Variants in GOLGA3 observed in about 807,000 individuals in gnomAD.
The protein encoded by GOLGA3 is golgin subfamily A member 3.
GOLGA3 carries 75 observed loss-of-function variants against 169.4 expected under a neutral mutation model. The observed-to-expected ratio is 0.44, with a 90% confidence interval of 0.37 to 0.54. The LOEUF is 0.54. Ranked by LOEUF, GOLGA3 falls within the 20% of genes least tolerant of loss-of-function variation. The probability of loss-of-function intolerance (pLI) is 0.00; values close to 1 mark genes in which losing one functional copy is unlikely to be tolerated. For synonymous variants in GOLGA3, 824 were observed against 822.4 expected (o/e 1.00, Z -0.03); for missense variants, 1,899 against 1,930.0 (o/e 0.98, Z 0.30).
rs1948825693 is a variant in GOLGA3, at chr12:132,796,210, G to A, written c.2111C>T (p.Thr704Ile). Residue 704 changes from threonine to isoleucine, a missense_variant, in exon 11 of 24, where the codon ACT (threonine) becomes ATT (isoleucine). Thr to Ile is a moderately conservative substitution (Grantham distance 89). Coordinates refer to ENST00000450791, the MANE Select transcript of GOLGA3 (RefSeq NM_001389683.1). ...AAGCTGCTGGTCTCGCTGGAGTAAA[G>A]TCAACTTCACCTGGAGAAGGAATGA... ...LEQQLEQVKL[T>I]LLQRDQQLEA... 7 of 1,588,238 alleles carry A rather than the reference G, an allele frequency of 4.4e-6. No homozygotes were observed. The East Asian group carries it at 1.6e-4, about 36-fold the overall frequency.
chr12:132,774,438 G>C, intron 22 of GOLGA3, 118 bp from the exon 23 acceptor site: 2 of 1,193,156 alleles, frequency 1.7e-6, no homozygotes, highest in South Asian at 2.6e-5. Context: ...CTCTGGGAAG[G>C]GGACCGTCCT....
Position 132,796,212 on chromosome 12 carries a change from C to G in GOLGA3, c.2109G>C (p.Leu703Phe), listed in dbSNP as rs767717261. The change falls in exon 11 of 24, where the codon TTG becomes TTC. Residue 703 changes from leucine (L) to phenylalanine (F), a missense_variant. Physicochemically the swap from Leu to Phe is conservative, Grantham distance 22. Coordinates refer to ENST00000450791, the MANE Select transcript of GOLGA3 (RefSeq NM_001389683.1). Reference protein sequence around the residue: ...SLEQQLEQVKLTLLQRDQQLE... With the variant: ...SLEQQLEQVKFTLLQRDQQLE... ...GCTGCTGGTCTCGCTGGAGTAAAGTCAACTTCACCTGGAGAAGGAATGAAG... is the reference window on the plus strand; with the variant it reads ...GCTGCTGGTCTCGCTGGAGTAAAGTGAACTTCACCTGGAGAAGGAATGAAG... The G allele has an allele frequency of 3.2e-6, 5 of 1,587,138 alleles. No homozygotes were observed. Among genetic ancestry groups the G allele is most frequent in the Non-Finnish European group, 4.3e-6 (5 of 1,163,062 alleles).
rs570086297 is a variant in GOLGA3, at chr12:132,808,909, A to G, written c.520-360T>C. Among the ~76,000 whole-genome samples, 5 of 152,344 alleles carry G rather than the reference A, an allele frequency of 3.3e-5. No individual in the cohort carries two copies. The East Asian group carries it at 9.6e-4, about 29-fold the overall frequency. On this transcript the variant is annotated intron_variant, in intron 4 of 23. Transcript: ENST00000450791. ...CCCCTGTGTGCGGCGACGAGAGTGT[A>G]GAAATAAAGACACAAGACAAAGAGA... is the stretch of plus-strand genomic sequence containing the variant.
rs2044854543 is a variant in GOLGA3 at position 132,770,537 on chromosome 12, A to G, written c.*2568T>C. 1 of 151,846 alleles carries G rather than the reference A, an allele frequency of 6.6e-6. No individual in the cohort carries two copies. Among genetic ancestry groups the G allele is most frequent in the African/African-American group, 2.4e-5 (1 of 41,300 alleles). The allele number at this position is 151,846 out of a possible 1,614,324, so 9.4% of individuals were successfully genotyped here. On this transcript the variant is annotated 3_prime_UTR_variant, in exon 24 of 24. Coordinates refer to ENST00000450791, the MANE Select transcript of GOLGA3 (RefSeq NM_001389683.1). ...GAATTAGTCTGTCCTAAGAGAAAAA[A>G]AAATACATGGTGAACATCACTCACT... is the stretch of plus-strand genomic sequence containing the variant.
At chr12:132,816,886 G>T in intron 2 of GOLGA3, 74 bp from the exon 3 acceptor site, 1 of 1,309,182 alleles carries the variant, frequency 7.6e-7, no homozygotes, top group South Asian at 1.4e-5. Flanking sequence ...CATGCAGCTG[G>T]AGTAGGAGAG....
chr12:132,803,331 A>T (rs1949225471), intron 7 of GOLGA3, among the ~76,000 whole-genome samples: 1 of 152,186 alleles, frequency 6.6e-6, no homozygotes, highest in Admixed American at 6.5e-5. Flanking sequence ...AAGTCGGCAA[A>T]TTCACACTTA....
At chr12:132,794,252 C>T (rs1422414673) in intron 11 of GOLGA3, among the ~76,000 whole-genome samples, 5 of 150,210 alleles carry the variant, frequency 3.3e-5, no homozygotes, top group African/African-American at 9.8e-5. Context: ...CCCAGCACTT[C>T]GGGAGGCTGA....
chr12:132,804,721 T>C lies in GOLGA3; in HGVS notation c.1592A>G (p.Asn531Ser), dbSNP rs773477032. Residue 531 changes from asparagine (N) to serine (S), a missense_variant, in exon 7 of 24, where the codon AAC (asparagine) becomes AGC (serine). By Grantham distance (46) the Asn-to-Ser change is conservative (BLOSUM62 1). Coordinates refer to ENST00000450791, the MANE Select transcript of GOLGA3 (RefSeq NM_001389683.1). The surrounding 1 kb of genome is among the most constrained non-coding windows in gnomAD (Gnocchi z 4.1). ...DMQRSMLSKD[N>S]TVHDLRQQMT... ...GTGGCCAGGGCCAGCCTCACCTGTGTTGTCCTTGCTGAGCATGCTCCTCTG... is the reference window on the plus strand; with the variant it reads ...GTGGCCAGGGCCAGCCTCACCTGTGCTGTCCTTGCTGAGCATGCTCCTCTG... 6.2e-7 allele frequency: 1 copy of C among 1,611,862 alleles called. No homozygotes were observed. The highest frequency in any genetic ancestry group is 1.7e-4 in the Middle Eastern group (1 of 6,042).
chr12:132,823,048 G>A (rs1475567294), intron 1 of GOLGA3, among the ~76,000 whole-genome samples: 1 of 152,254 alleles, frequency 6.6e-6, no homozygotes, highest in Non-Finnish European at 1.5e-5. Context: ...CAGATCCAGA[G>A]AAACAAAACT....
At chr12:132,810,469 A>G (rs934393714) in intron 4 of GOLGA3, among the ~76,000 whole-genome samples, 1 of 152,206 alleles carries the variant, frequency 6.6e-6, no homozygotes. Context: ...ATGATTATAT[A>G]TGAATATCAT....
rs746563195 is a variant in GOLGA3 at position 132,782,533 on chromosome 12, G to T, written c.3268-40C>A. The T allele has an allele frequency of 2.7e-6, 4 of 1,474,976 alleles. No individual in the cohort carries two copies. The East Asian group carries it at 9.0e-5, about 33-fold the overall frequency. The allele number at this position is 1,474,976 out of a possible 1,614,324, so 91.4% of individuals were successfully genotyped here. On this transcript the variant is annotated intron_variant, in intron 16 of 23. Coordinates refer to ENST00000450791, the MANE Select transcript of GOLGA3 (RefSeq NM_001389683.1). ...TGTCACTGTAAAATTACCTGCACTG[G>T]TGAGTGGAGTTCACATACCCCAGAA...
intron 1 of GOLGA3, 94 bp downstream of exon 1, chr12:132,828,709 C>CCCCACGCCCGGCCTCCGCCGA (rs1306511783): frequency 7.9e-5 from 12 of 152,256 alleles, no homozygotes; most frequent in Non-Finnish European, 7.3e-5. Context: ...GGCCCCGCCG[C>CCCCACGCCCGGCCTCCGCCGA]CGCCCCTCGA....
Position 132,804,161 on chromosome 12 carries a change from C to T in GOLGA3, c.1597+555G>A, listed in dbSNP as rs371688019. ...CCCTATAGGGAGGCAGCTGGACCGA[C>T]GCACTGCATCCAGGGAGAAAAGGTT... On this transcript the variant is annotated intron_variant, in intron 7 of 23. Coordinates refer to ENST00000450791, the MANE Select transcript of GOLGA3 (RefSeq NM_001389683.1). This position sits in a 1 kb window ranked among gnomAD's most constrained non-coding sequence, Gnocchi z 4.1. Among the ~76,000 whole-genome samples, 2 of 152,346 alleles carry T rather than the reference C, an allele frequency of 1.3e-5. No individual in the cohort carries two copies. Among genetic ancestry groups the T allele is most frequent in the Non-Finnish European group, 1.5e-5 (1 of 68,044 alleles).
In GOLGA3 at chr12:132,787,673, C is replaced by T. The variant is rs1465815633; in HGVS notation, c.2812-886G>A. Among the ~76,000 whole-genome samples, 28 of 93,356 alleles carry T rather than the reference C, an allele frequency of 3.0e-4. 5 individuals are homozygous for T. The highest frequency in any genetic ancestry group is 6.1e-4 in the Admixed American group (6 of 9,792). 61.2% of individuals were successfully genotyped at this position (93,356 alleles called of 152,430 possible). ...CCTCCCCGGAGACCCCGGGACCCCT[C>T]CCCGGAGACCCCGGGACCCCTCCCC... is the stretch of plus-strand genomic sequence containing the variant. On this transcript the variant is annotated intron_variant, in intron 13 of 23. Coordinates refer to ENST00000450791, the MANE Select transcript of GOLGA3 (RefSeq NM_001389683.1).
Position 132,821,984 on chromosome 12 carries a change from C to A in GOLGA3, c.133+12G>T. On this transcript the variant is annotated intron_variant, in intron 2 of 23. Coordinates refer to ENST00000450791, the MANE Select transcript of GOLGA3 (RefSeq NM_001389683.1). ...TCCTGTGACCAGCACACAGAGGAAC[C>A]TCACGACTTACACTGGACTTTGTCC... 1 of 1,589,458 alleles carries A rather than the reference C, an allele frequency of 6.3e-7. No individual in the cohort carries two copies. Among genetic ancestry groups the A allele is most frequent in the Admixed American group, 1.8e-5 (1 of 55,936 alleles).
At chr12:132,826,120 A>C (rs933826508) in intron 1 of GOLGA3, 1 of 1,541,936 alleles carries the variant, frequency 6.5e-7, no homozygotes. Flanking sequence ...TGAGCAAGAC[A>C]GTGCACCTCA....
chr12:132,769,463 G>A lies in GOLGA3; in HGVS notation c.*3642C>T, dbSNP rs532870694. On this transcript the variant is annotated 3_prime_UTR_variant, in exon 24 of 24. Coordinates refer to ENST00000450791, the MANE Select transcript of GOLGA3 (RefSeq NM_001389683.1). Reference sequence around the variant, plus strand: ...CTGTGTTCTGGTGGGCAGGGCCCCTGCTGGACCCACCCGAGGAGAGTCCAT... The same window carrying A: ...CTGTGTTCTGGTGGGCAGGGCCCCTACTGGACCCACCCGAGGAGAGTCCAT... 1 of 152,398 alleles carries A rather than the reference G, an allele frequency of 6.6e-6. No homozygotes were observed. The highest frequency in any genetic ancestry group is 2.4e-5 in the African/African-American group (1 of 41,586). The allele number at this position is 152,398 out of a possible 1,614,324, so 9.4% of individuals were successfully genotyped here.
At chr12:132,807,034 G>C (rs548483207) in intron 6 of GOLGA3, 143 bp downstream of exon 6, 4 of 557,892 alleles carry the variant, frequency 7.2e-6, no homozygotes, top group Admixed American at 6.0e-5. Flanking sequence ...GACAAAAAAC[G>C]TAAAGATGCA....
At chr12:132,774,385 C>A (rs746957566) in intron 22 of GOLGA3, 65 bp from the exon 23 acceptor site, 16 of 1,563,080 alleles carry the variant, frequency 1.0e-5, no homozygotes, top group Non-Finnish European at 1.4e-5. Context: ...CTCACTAGCA[C>A]AGCTTGTGGC....
Sources: allele counts gnomAD v4.1 joint callset (sites outside exome capture counted in the v4.1 genomes callset), GRCh38; gene constraint gnomAD v4.1.1; non-coding constraint Gnocchi (gnomAD v3.1); transcripts MANE v1.5; gene names NCBI Gene and HGNC (gene_info 2026-07-23, HGNC 2026-07-21).